The following ADAM2 variants were observed in gnomAD, a reference collection of about 807,000 sequenced individuals.
ADAM2 encodes disintegrin and metalloproteinase domain-containing protein 2.
Under a neutral mutation model 99.3 loss-of-function variants are expected in ADAM2, and 101 were observed. The ratio of observed to expected loss-of-function variants is 1.02; its 90% CI spans 0.87 to 1.20. The LOEUF (loss-of-function observed/expected upper bound fraction) is 1.20, where lower values mean the gene tolerates loss of function less well. Ranked by LOEUF, ADAM2 falls within the 50% of genes most tolerant of loss-of-function variation. The pLI, the probability that ADAM2 is intolerant of heterozygous loss-of-function variation, is 0.00. For synonymous variants in ADAM2, 323 were observed against 287.6 expected, an observed-to-expected ratio of 1.12 and a Z score of -1.25; for missense variants, 948 against 878.7, an observed-to-expected ratio of 1.08 and a Z score of -1.00.
At chr8:39,766,258 T>A (rs1306855136) in intron 14 of ADAM2, among the ~76,000 whole-genome samples, 1 of 152,192 alleles carries the variant, frequency 6.6e-6, no homozygotes, top group East Asian at 1.9e-4. Flanking sequence ...GGGATGGATA[T>A]GAAGTAAAAG....
At chr8:39,752,421 T>C (rs1427123300) in intron 16 of ADAM2, among the ~76,000 whole-genome samples, 1 of 152,210 alleles carries the variant, frequency 6.6e-6, no homozygotes, top group African/African-American at 2.4e-5. Context: ...GAAAATTTTA[T>C]GGCATTTTTG....
intron 16 of ADAM2, among the ~76,000 whole-genome samples, chr8:39,751,989 C>T (rs556888496): frequency 2.6e-5 from 4 of 152,234 alleles, no homozygotes; most frequent in South Asian, 2.1e-4. Flanking sequence ...TGTGCCACCA[C>T]GCCCACTTAA....
intron 7 of ADAM2, among the ~76,000 whole-genome samples, chr8:39,797,115 T>A (rs1297250327): frequency 6.6e-6 from 1 of 152,226 alleles, no homozygotes; most frequent in East Asian, 1.9e-4. Context: ...TGTCAAGAAG[T>A]CTTCACTCAT....
chr8:39,752,700 C>T (rs533043601), intron 16 of ADAM2, among the ~76,000 whole-genome samples: 19 of 152,038 alleles, frequency 1.2e-4, no homozygotes, highest in Non-Finnish European at 1.9e-4. Context: ...TGGGAGAGAC[C>T]TGGTGGGAGG....
chr8:39,761,062 T>G (rs879380479), intron 15 of ADAM2, 114 bp downstream of exon 15: 7 of 525,490 alleles, frequency 1.3e-5, no homozygotes, highest in Non-Finnish European at 2.3e-5. Context: ...TGAATAAACA[T>G]GGTCTTACTT....
intron 12 of ADAM2, among the ~76,000 whole-genome samples, chr8:39,767,655 A>G (rs1177317229): frequency 3.3e-5 from 5 of 152,186 alleles, no homozygotes; most frequent in Admixed American, 6.5e-5. Context: ...ATAATATTTT[A>G]ACAAGTTTCT....
At chr8:39,834,747 A>AAAC (rs1392084988) in intron 2 of ADAM2, among the ~76,000 whole-genome samples, 1 of 151,450 alleles carries the variant, frequency 6.6e-6, no homozygotes, top group African/African-American at 2.4e-5. Flanking sequence ...AAAAAAAAAA[A>AAAC]AAAAAAAAAA....
At chr8:39,755,175 C>T (rs927533822) in intron 16 of ADAM2, among the ~76,000 whole-genome samples, 1 of 151,936 alleles carries the variant, frequency 6.6e-6, no homozygotes, top group African/African-American at 2.4e-5. Flanking sequence ...TAATAAAATA[C>T]AGTAAATGAA....
intron 12 of ADAM2, among the ~76,000 whole-genome samples, chr8:39,768,309 A>C (rs1256673257): frequency 6.6e-6 from 1 of 152,198 alleles, no homozygotes; most frequent in Non-Finnish European, 1.5e-5. Flanking sequence ...ATCTATAAAC[A>C]TACTTTTAAG....
chr8:39,790,088 G>T (rs1803641003), intron 7 of ADAM2, among the ~76,000 whole-genome samples: 1 of 151,776 alleles, frequency 6.6e-6, no homozygotes. Context: ...GCATGCTGAT[G>T]GAAATATAAA....
At chr8:39,805,578 T>C (rs1804402169) in intron 7 of ADAM2, among the ~76,000 whole-genome samples, 1 of 152,142 alleles carries the variant, frequency 6.6e-6, no homozygotes, top group South Asian at 2.1e-4. Flanking sequence ...CTATTAATGC[T>C]ATGGTAAAAA....
chr8:39,749,497 A>T, intron 17 of ADAM2, 47 bp from the exon 18 acceptor site: 2 of 1,569,938 alleles, frequency 1.3e-6, no homozygotes, highest in Non-Finnish European at 1.7e-6. Flanking sequence ...AACTAGATTT[A>T]TATATGTTCA....
At chr8:39,755,650 G>T in intron 16 of ADAM2, 78 bp downstream of exon 16, 1 of 1,104,868 alleles carries the variant, frequency 9.1e-7, no homozygotes, top group Non-Finnish European at 1.3e-6. Context: ...CTCTAGCCAG[G>T]GCAAGAGTGA....
At chr8:39,836,389 A>G (rs1301332807) in intron 2 of ADAM2, among the ~76,000 whole-genome samples, 3 of 152,188 alleles carry the variant, frequency 2.0e-5, no homozygotes, top group African/African-American at 7.2e-5. Flanking sequence ...TATTTAAATG[A>G]TTTGTTTTAG....
rs549110798 is a variant in ADAM2 at position 39,837,598 on chromosome 8, G to A, written c.56-386C>T. On this transcript the variant is annotated intron_variant, in intron 1 of 20. Transcript: ENST00000265708. ...AGGGGGATTTCACCATGTTGGCCGG[G>A]ATGGTCTCGATCTCCTGACCTCGTG... 3.3e-5 allele frequency among the ~76,000 whole-genome samples: 5 copies of A among 152,146 alleles called. No individual in the cohort carries two copies. The East Asian group carries it at 5.8e-4, about 18-fold the overall frequency.
chr8:39,834,018 A>G lies in ADAM2; in HGVS notation c.133-19T>C. The G allele has an allele frequency of 6.8e-7, 1 of 1,462,648 alleles. No homozygotes were observed. Among genetic ancestry groups the G allele is most frequent in the South Asian group, 1.2e-5 (1 of 84,250 alleles). The allele number at this position is 1,462,648 out of a possible 1,614,324, so 90.6% of individuals were successfully genotyped here. A position where few individuals can be genotyped will look rare whatever the true frequency, so the allele number is the denominator to read the frequency against. On this transcript the variant is annotated intron_variant, in intron 2 of 20. Transcript: ENST00000265708. ...AGGATGCCTGGCAGGAGAGCACAGT[A>G]AAAATACAAAGAAAATGAAAAAAAA...
At position 39,777,063 on chromosome 8, in the gene ADAM2, C is replaced by T; in HGVS notation, c.990G>A (p.Gln330=). The stretch of plus-strand genomic sequence containing the variant: ...TCATAATGCAGACAGCTCCTGAGCA[C>T]TGGCATTTGTTAATGTCATCATAAG... The part of the protein sequence containing the change: ...GITYDDINKC[Q]CSGAVCIMNP... The change falls in exon 11 of 21, where the codon CAG becomes CAA. Residue 330 remains glutamine (Q), a synonymous_variant. Transcript: ENST00000265708. 2 of 1,598,098 alleles carry T rather than the reference C, an allele frequency of 1.3e-6. No homozygotes were observed. Among genetic ancestry groups the T allele is most frequent in the Non-Finnish European group, 1.7e-6 (2 of 1,166,038 alleles).
intron 15 of ADAM2, among the ~76,000 whole-genome samples, chr8:39,760,731 T>TCCTTC (rs1563339669): frequency 1.5e-5 from 2 of 133,148 alleles, no homozygotes; most frequent in Non-Finnish European, 3.1e-5. Flanking sequence ...AAAAATAAAA[T>TCCTTC]AAAAAAATAA....
chr8:39,788,639 G>C (rs764067378), intron 8 of ADAM2, 30 bp downstream of exon 8: 1 of 1,492,310 alleles, frequency 6.7e-7, no homozygotes, highest in Admixed American at 1.9e-5. Context: ...AACACAAGAA[G>C]TGCAAAAGTA....
Sources: gnomAD v4.1 joint callset for allele counts (sites outside exome capture counted in the v4.1 genomes callset) on GRCh38, gnomAD v4.1.1 for gene constraint, MANE v1.5 for transcripts, NCBI Gene and HGNC (gene_info 2026-07-23, HGNC 2026-07-21) for gene names.